Variants in EIF4G3 observed in about 807,000 individuals in gnomAD.
EIF4G3 encodes the protein eukaryotic translation initiation factor 4 gamma 3.
Under a neutral mutation model 186.4 loss-of-function variants are expected in EIF4G3, and 34 were observed. The ratio of observed to expected loss-of-function variants is 0.18; its 90% CI spans 0.14 to 0.24. The LOEUF is 0.24. Ranked by LOEUF, EIF4G3 falls within the 10% of genes least tolerant of loss-of-function variation. EIF4G3 has a pLI of 1.00. For missense variants in EIF4G3, 1,536 were observed against 1,948.5 expected (o/e 0.79, Z 3.99); for synonymous variants, 673 against 679.5 (o/e 0.99, Z 0.15).
At chr1:20,942,367 G>T (rs1311498831) in intron 13 of EIF4G3, 37 bp from the exon 14 acceptor site, 1 of 1,525,638 alleles carries the variant, frequency 6.6e-7, no homozygotes, top group Non-Finnish European at 8.8e-7. Context: ...AATAATTCTT[G>T]GATCAGAGAC....
In EIF4G3 at chr1:20,829,275, G is replaced by A; in HGVS notation, c.4062-3C>T. ...CCAATTCCAAAGTTTCTGAAAAACT[G>A]AAAAGGAACAGGGGGTAAAAATCAC... is the stretch of plus-strand genomic sequence containing the variant. On this transcript the variant is annotated splice_region_variant and splice_polypyrimidine_tract_variant and intron_variant, in intron 30 of 36. Transcript: ENST00000602326. 1 of 1,612,728 alleles carries A rather than the reference G, an allele frequency of 6.2e-7. No homozygotes were observed. The highest frequency in any genetic ancestry group is 8.5e-7 in the Non-Finnish European group (1 of 1,179,576).
chr1:21,176,689 A>C (rs1158576753), intron 1 of EIF4G3, 33 bp downstream of exon 1: 1 of 610,262 alleles, frequency 1.6e-6, no homozygotes, highest in Non-Finnish European at 2.9e-6. Context: ...GGGGGGCCGG[A>C]CCCGGCGGGG....
At chr1:20,823,618 T>G (rs1159224784) in intron 33 of EIF4G3, among the ~76,000 whole-genome samples, 3 of 152,150 alleles carry the variant, frequency 2.0e-5, no homozygotes, top group Non-Finnish European at 4.4e-5. Flanking sequence ...CAAGAGATTC[T>G]CTTGCTTCAG....
intron 2 of EIF4G3, among the ~76,000 whole-genome samples, chr1:21,130,874 G>C (rs1331177359): frequency 6.6e-6 from 1 of 152,074 alleles, no homozygotes; most frequent in East Asian, 1.9e-4. Context: ...AATTTCAAAA[G>C]CTAAATGCAA....
chr1:21,111,189 T>C (rs1558012063), intron 2 of EIF4G3: 1 of 382,344 alleles, frequency 2.6e-6, no homozygotes, highest in Non-Finnish European at 5.4e-6. Flanking sequence ...CAGGACAAAA[T>C]GAACAATTTC....
At chr1:21,008,119 C>T (rs1019032285) in intron 4 of EIF4G3, among the ~76,000 whole-genome samples, 3 of 152,130 alleles carry the variant, frequency 2.0e-5, no homozygotes, top group South Asian at 2.1e-4. Flanking sequence ...TCAGCCTGGG[C>T]GACAGAGTGA....
chr1:21,159,835 G>A (rs79636163), intron 2 of EIF4G3, among the ~76,000 whole-genome samples: 4,124 of 151,930 alleles, frequency 0.027, 127 homozygotes, highest in East Asian at 0.14. Flanking sequence ...TGCCAGGTGC[G>A]GTGGCTTACA....
chr1:20,869,832 A>G (rs2078697152), intron 20 of EIF4G3, among the ~76,000 whole-genome samples: 1 of 151,812 alleles, frequency 6.6e-6, no homozygotes, highest in African/African-American at 2.4e-5. Context: ...TTAAAAAAAA[A>G]TTGTTTAATA....
chr1:21,106,475 T>C (rs1008129799), intron 2 of EIF4G3, among the ~76,000 whole-genome samples: 1 of 152,078 alleles, frequency 6.6e-6, no homozygotes, highest in African/African-American at 2.4e-5. Flanking sequence ...AGTTTACAGA[T>C]AGTGTATCTT....
chr1:20,840,588 G>A (rs1446643101), intron 30 of EIF4G3, among the ~76,000 whole-genome samples: 2 of 152,124 alleles, frequency 1.3e-5, no homozygotes, highest in East Asian at 1.9e-4. Flanking sequence ...AGGCTAAGGG[G>A]TCTCTGTTAC....
chr1:20,838,858 G>A (rs2154548969), intron 30 of EIF4G3, among the ~76,000 whole-genome samples: 1 of 152,150 alleles, frequency 6.6e-6, no homozygotes, highest in Admixed American at 6.5e-5. Context: ...TATATTTTTA[G>A]TATAGATGGA....
At chr1:21,133,951 T>G (rs1054286964) in intron 2 of EIF4G3, among the ~76,000 whole-genome samples, 2 of 152,332 alleles carry the variant, frequency 1.3e-5, no homozygotes, top group East Asian at 1.9e-4. Context: ...GTCGTTGAAC[T>G]GTACTTACTG....
At chr1:21,043,345 A>C (rs2093683905) in intron 4 of EIF4G3, among the ~76,000 whole-genome samples, 2 of 152,230 alleles carry the variant, frequency 1.3e-5, no homozygotes. Flanking sequence ...GTGCTGAATT[A>C]ATACTTAGAT....
chr1:21,079,478 G>A lies in EIF4G3; in HGVS notation c.-196+9660C>T, dbSNP rs552609443. Among the ~76,000 whole-genome samples the A allele has an allele frequency of 2.7e-5, 4 of 149,916 alleles. No homozygotes were observed. The South Asian group carries it at 8.5e-4, about 32-fold the overall frequency. ...AGTTCAGGAGTTCAAGACCAGCCTG[G>A]GCAACATAATGAGACCTTGTCTCTA... On this transcript the variant is annotated intron_variant, in intron 3 of 36. Transcript: ENST00000602326.
chr1:21,142,398 T>A (rs12405319), intron 2 of EIF4G3, among the ~76,000 whole-genome samples: 1 of 151,608 alleles, frequency 6.6e-6, no homozygotes, highest in Admixed American at 6.6e-5. Flanking sequence ...TCCCAGCTAC[T>A]CAGGAGGCTG....
intron 4 of EIF4G3, among the ~76,000 whole-genome samples, chr1:21,004,543 G>A (rs770417846): frequency 6.6e-6 from 1 of 152,040 alleles, no homozygotes; most frequent in Non-Finnish European, 1.5e-5. Flanking sequence ...ACCTCTCAAG[G>A]CAGTTTGTGA....
intron 4 of EIF4G3, among the ~76,000 whole-genome samples, chr1:21,037,039 A>C (rs765783775): frequency 5.9e-5 from 9 of 152,176 alleles, no homozygotes; most frequent in Non-Finnish European, 1.0e-4. Flanking sequence ...CATCCTAAAA[A>C]AGACTTTTCC....
rs567204732 is a variant in EIF4G3, at chr1:21,083,237, T to TTAAA, written c.-196+5897_-196+5900dup. 7.4e-4 allele frequency among the ~76,000 whole-genome samples: 112 copies of TTAAA among 151,850 alleles called. 2 individuals are homozygous for TTAAA. In the Middle Eastern group the frequency reaches 0.027, roughly 37 times the overall value. Reference sequence around the variant, plus strand: ...ACCTAGACGACAGAGTGAGACTCTGTTAAATAAATAAATAAATAAAAAGTG... The same window carrying TTAAA: ...ACCTAGACGACAGAGTGAGACTCTGTTAAATAAATAAATAAATAAATAAAAAGTG... On this transcript the variant is annotated intron_variant, in intron 3 of 36. Coordinates refer to ENST00000602326, the MANE Select transcript of EIF4G3 (RefSeq NM_001391906.1).
intron 14 of EIF4G3, among the ~76,000 whole-genome samples, chr1:20,919,701 T>A (rs1462375350): frequency 1.3e-5 from 2 of 152,194 alleles, no homozygotes; most frequent in African/African-American, 4.8e-5. Flanking sequence ...AGACACAGCG[T>A]CTACAAAGCC....
Sources: allele counts gnomAD v4.1 joint callset (sites outside exome capture counted in the v4.1 genomes callset), GRCh38; gene constraint gnomAD v4.1.1; transcripts MANE v1.5; gene names NCBI Gene and HGNC (gene_info 2026-07-23, HGNC 2026-07-21).